Variants in ZNF676 observed in about 807,000 individuals in gnomAD.
ZNF676 encodes the protein zinc finger protein 676.
Under a neutral mutation model 6.0 loss-of-function variants are expected in ZNF676, and 4 were observed. The ratio of observed to expected loss-of-function variants is 0.67; its 90% CI spans 0.33 to 1.53. The LOEUF is 1.53. Ranked by LOEUF, ZNF676 falls within the 40% of genes most tolerant of loss-of-function variation. The pLI, the probability that ZNF676 is intolerant of heterozygous loss-of-function variation, is 0.06. For missense variants in ZNF676, 644 were observed against 679.7 expected (o/e 0.95, Z 0.58); for synonymous variants, 198 against 223.1 (o/e 0.89, Z 1.00).
the ZNF676 span, among the ~76,000 whole-genome samples, chr19:22,252,096 T>TTGA: frequency 5.3e-5 from 8 of 151,864 alleles, no homozygotes; most frequent in Non-Finnish European, 1.0e-4. Flanking sequence ...CCTTGTAATA[T>TTGA]TGATGCTTTC....
the ZNF676 span, among the ~76,000 whole-genome samples, chr19:22,257,813 G>A: frequency 1.3e-5 from 2 of 152,196 alleles, no homozygotes; most frequent in Admixed American, 1.3e-4. Flanking sequence ...CATCACCTAG[G>A]TGATGAGCTC....
upstream of ZNF676, among the ~76,000 whole-genome samples, chr19:22,200,802 G>A (rs184364533): frequency 2.0e-5 from 3 of 152,156 alleles, no homozygotes; most frequent in Admixed American, 2.0e-4. Flanking sequence ...CACCATCTTG[G>A]CTTCCCAAAG....
chr19:22,213,627 GTCTT>G (rs1304621147), intron 1 of ZNF676, among the ~76,000 whole-genome samples: 12 of 152,092 alleles, frequency 7.9e-5, no homozygotes, highest in Non-Finnish European at 1.5e-4. Context: ...ACCTCAGGTT[GTCTT>G]ATGGGAGATG....
At position 22,196,888 on chromosome 19, in the gene ZNF676, A is replaced by C. The variant is rs1164937742; in HGVS notation, c.-255T>G. On this transcript the variant is annotated 5_prime_UTR_variant, in exon 1 of 3. Coordinates refer to ENST00000397121, the MANE Select transcript of ZNF676 (RefSeq NM_001001411.3). Reference sequence around the variant, plus strand: ...GTTTTCAACACAGAAATGTTCACTAATGTATTCTCTAACTCTGAGAAAAGA... The same window carrying C: ...GTTTTCAACACAGAAATGTTCACTACTGTATTCTCTAACTCTGAGAAAAGA... 4 of 691,466 alleles carry C rather than the reference A, an allele frequency of 5.8e-6. No homozygotes were observed. Among genetic ancestry groups the C allele is most frequent in the African/African-American group, 1.8e-5 (1 of 55,054 alleles). 42.8% of individuals were successfully genotyped at this position (691,466 alleles called of 1,614,324 possible). A position where few individuals can be genotyped will look rare whatever the true frequency, so the allele number is the denominator to read the frequency against.
chr19:22,196,695 T>G lies in ZNF676; in HGVS notation c.-62A>C, dbSNP rs1169469138. The G allele has an allele frequency of 1.2e-6, 2 of 1,612,038 alleles. No individual in the cohort carries two copies. The highest frequency in any genetic ancestry group is 1.7e-6 in the Non-Finnish European group (2 of 1,178,228). On this transcript the variant is annotated 5_prime_UTR_variant, in exon 1 of 3. Coordinates refer to ENST00000397121, the MANE Select transcript of ZNF676 (RefSeq NM_001001411.3). Reference sequence around the variant, plus strand: ...GCATTGCCACTCCTCCAGAGAGAATTCTATGGCCACATCCCTAAATGTCAA... The same window carrying G: ...GCATTGCCACTCCTCCAGAGAGAATGCTATGGCCACATCCCTAAATGTCAA...
chr19:22,231,943 GT>G, the ZNF676 span, among the ~76,000 whole-genome samples: 1 of 151,894 alleles, frequency 6.6e-6, no homozygotes, highest in South Asian at 2.1e-4. Flanking sequence ...TTTATAAAAT[GT>G]TTTTTTAAGT....
upstream of ZNF676, among the ~76,000 whole-genome samples, chr19:22,216,727 G>A (rs2024195593): frequency 6.6e-6 from 1 of 151,416 alleles, no homozygotes; most frequent in Non-Finnish European, 1.5e-5. Context: ...GGGTTCAAGC[G>A]ATTCTCCTGC....
chr19:22,236,853 G>T, the ZNF676 span, among the ~76,000 whole-genome samples: 5 of 152,192 alleles, frequency 3.3e-5, no homozygotes, highest in African/African-American at 1.2e-4. Context: ...TCTGATTGCC[G>T]TTTAGCCTCT....
At chr19:22,226,631 C>G in the ZNF676 span, among the ~76,000 whole-genome samples, 3 of 146,904 alleles carry the variant, frequency 2.0e-5, no homozygotes, top group African/African-American at 7.6e-5. Flanking sequence ...GAGTCTCACT[C>G]TGTCATCCAG....
chr19:22,235,028 G>GAAAT, the ZNF676 span, among the ~76,000 whole-genome samples: 1 of 62,324 alleles, frequency 1.6e-5, no homozygotes, highest in African/African-American at 7.2e-5. Flanking sequence ...AAGAAAGAAA[G>GAAAT]AAAGAAAAGA....
At chr19:22,199,645 A>C (rs186892452), upstream of ZNF676, among the ~76,000 whole-genome samples, 2 of 152,332 alleles carry the variant, frequency 1.3e-5, no homozygotes, top group African/African-American at 4.8e-5. Context: ...ATAGAATAAA[A>C]GCTAACTATA....
At chr19:22,251,659 G>A in the ZNF676 span, among the ~76,000 whole-genome samples, 6 of 151,838 alleles carry the variant, frequency 4.0e-5, no homozygotes, top group Non-Finnish European at 5.9e-5. Flanking sequence ...GTGGTGGCAC[G>A]TGCCTGTAAT....
At position 22,190,630 on chromosome 19, in the gene ZNF676, C is replaced by CATATATATATATAT. The variant is rs74174059; in HGVS notation, c.130+2372_130+2385dup. On this transcript the variant is annotated intron_variant, in intron 2 of 2. Coordinates refer to ENST00000397121, the MANE Select transcript of ZNF676 (RefSeq NM_001001411.3). ...ATTAGACTAATAAAATAGAATGCAA[C>CATATATATATATAT]ATATATATATATATATATATATATA... 3.5e-3 allele frequency among the ~76,000 whole-genome samples: 234 copies of CATATATATATATAT among 66,754 alleles called. 8 individuals are homozygous for CATATATATATATAT. The highest frequency in any genetic ancestry group is 4.8e-3 in the Non-Finnish European group (156 of 32,416). 43.8% of individuals were successfully genotyped at this position (66,754 alleles called of 152,430 possible).
In ZNF676 at chr19:22,192,261, T is replaced by C. The variant is rs1274361755; in HGVS notation, c.130+755A>G. ...AATAAATATCTGAGAACAAATTTAA[T>C]TGAGGAGCTGAAAAACTTTTCAAGG... is the stretch of plus-strand genomic sequence containing the variant. On this transcript the variant is annotated intron_variant, in intron 2 of 2. Transcript: ENST00000397121. 1.3e-5 allele frequency among the ~76,000 whole-genome samples: 2 copies of C among 152,082 alleles called. 1 individual carries two copies. The highest frequency in any genetic ancestry group is 4.1e-4 in the South Asian group (2 of 4,822).
Position 22,180,384 on chromosome 19 carries a change from C to G in ZNF676, c.1333G>C (p.Gly445Arg). ...TCTTCACATTTGTAGGGTTTCTCTC[C>G]AGCATGAATTCTCTTGTGTTCAGTA... Reference protein sequence around the residue: ...SLTEHKRIHAGEKPYKCEECG... With the variant: ...SLTEHKRIHAREKPYKCEECG... Residue 445 changes from glycine (G) to arginine (R), a missense_variant, in exon 3 of 3, where the codon GGA (glycine) becomes CGA (arginine). Coordinates refer to ENST00000397121, the MANE Select transcript of ZNF676 (RefSeq NM_001001411.3). The G allele has an allele frequency of 6.2e-7, 1 of 1,613,854 alleles. No homozygotes were observed. The highest frequency in any genetic ancestry group is 8.5e-7 in the Non-Finnish European group (1 of 1,179,914).
intron 2 of ZNF676, among the ~76,000 whole-genome samples, chr19:22,188,106 C>A (rs1389113556): frequency 5.9e-5 from 9 of 151,894 alleles, no homozygotes; most frequent in Non-Finnish European, 1.3e-4. Context: ...TGATGCAAAA[C>A]TCCTCAATAA....
chr19:22,207,044 C>T (rs186918287), intron 1 of ZNF676, among the ~76,000 whole-genome samples: 6 of 152,232 alleles, frequency 3.9e-5, no homozygotes, highest in African/African-American at 1.4e-4. Context: ...GACAAGGATG[C>T]CTTCTCTCAA....
intron 2 of ZNF676, among the ~76,000 whole-genome samples, chr19:22,190,537 G>T (rs2023887638): frequency 6.7e-6 from 1 of 148,220 alleles, no homozygotes; most frequent in Admixed American, 6.9e-5. Flanking sequence ...AGGCATTAAA[G>T]TTCCTGATTT....
In ZNF676 at chr19:22,181,532, G is replaced by A. The variant is rs1160740747; in HGVS notation, c.185C>T (p.Ser62Phe). 6.2e-7 allele frequency: 1 copy of A among 1,610,184 alleles called. No homozygotes were observed. Among genetic ancestry groups the A allele is most frequent in the African/African-American group, 1.3e-5 (1 of 74,758 alleles). ...TCTTCTCAATATCATTTTTTGGAAAGAATCTTCTATGCCTTGCTCTGGCCA... is the reference window on the plus strand; with the variant it reads ...TCTTCTCAATATCATTTTTTGGAAAAAATCTTCTATGCCTTGCTCTGGCCA... ...EFWPEQGIEDSFQKMILRRYD... is the reference protein window; with the variant it reads ...EFWPEQGIEDFFQKMILRRYD... The change falls in exon 3 of 3, where the codon TCT (serine) becomes TTT (phenylalanine). Residue 62 changes from serine (S) to phenylalanine (F), a missense_variant. By Grantham distance (155) the Ser-to-Phe change is radical (BLOSUM62 -2). Around this residue, in one of 5 missense-constraint regions of ZNF676, gnomAD observed 280 missense variants for 269.3 expected, o/e 1.04. Coordinates refer to ENST00000397121, the MANE Select transcript of ZNF676 (RefSeq NM_001001411.3).
Sources: gnomAD v4.1 joint callset for allele counts (sites outside exome capture counted in the v4.1 genomes callset) on GRCh38, gnomAD v4.1.1 for gene constraint, gnomAD v4.1.1 regional missense constraint, MANE v1.5 for transcripts, NCBI Gene and HGNC (gene_info 2026-07-23, HGNC 2026-07-21) for gene names.